Variants in LRP1B observed in about 807,000 individuals in gnomAD.
LRP1B encodes LDL receptor related protein 1B, also known as low-density lipoprotein receptor-related protein 1B.
A neutral mutation model predicts 556.6 loss-of-function variants in LRP1B; 217 were observed. The observed-to-expected ratio is 0.39, with a 90% CI of 0.35 to 0.44. The LOEUF is 0.44. LRP1B is among the 20% of genes least tolerant of loss of function. The pLI, the probability that LRP1B is intolerant of heterozygous loss-of-function variation, is 1.00. For missense variants in LRP1B, 5,053 were observed against 5,620.8 expected, an observed-to-expected ratio of 0.90 and a Z score of 3.23; for synonymous variants, 2,047 against 1,865.8, an observed-to-expected ratio of 1.10 and a Z score of -2.50.
At chr2:141,645,343 T>C (rs1689515160) in intron 2 of LRP1B, among the ~76,000 whole-genome samples, 2 of 152,178 alleles carry the variant, frequency 1.3e-5, no homozygotes, top group Non-Finnish European at 2.9e-5. Flanking sequence ...TATGAAGAAA[T>C]CTATTCTGGC....
intron 7 of LRP1B, among the ~76,000 whole-genome samples, chr2:141,119,535 G>C (rs1700991129): frequency 6.6e-6 from 1 of 151,770 alleles, no homozygotes; most frequent in South Asian, 2.1e-4. Flanking sequence ...ATTGAATCAC[G>C]TATGCCATTG....
At chr2:141,934,549 T>C (rs531310182) in intron 1 of LRP1B, among the ~76,000 whole-genome samples, 10 of 152,234 alleles carry the variant, frequency 6.6e-5, no homozygotes, top group Admixed American at 1.3e-4. Context: ...AGATTACCCA[T>C]TGATATGGTT....
intron 2 of LRP1B, among the ~76,000 whole-genome samples, chr2:141,735,277 T>C: frequency 6.6e-6 from 1 of 151,518 alleles, no homozygotes. Context: ...GAAATATAGA[T>C]GGCATGGCAT....
intron 3 of LRP1B, among the ~76,000 whole-genome samples, chr2:141,288,187 T>A (rs1163336456): frequency 1.3e-5 from 2 of 151,534 alleles, no homozygotes; most frequent in Admixed American, 6.6e-5. Context: ...TTCTCTTTTC[T>A]ATCTTTATAG....
chr2:141,232,090 T>C (rs1558949186), intron 5 of LRP1B, among the ~76,000 whole-genome samples: 1 of 152,202 alleles, frequency 6.6e-6, no homozygotes, highest in Non-Finnish European at 1.5e-5. Flanking sequence ...CCTGGTTAGC[T>C]AGTCAGTTTC....
At chr2:141,018,934 G>T (rs1421886931) in intron 12 of LRP1B, among the ~76,000 whole-genome samples, 2 of 151,962 alleles carry the variant, frequency 1.3e-5, no homozygotes, top group Admixed American at 1.3e-4. Context: ...GTTTATAAGG[G>T]ATTCACATGC....
At chr2:140,344,865 G>A (rs1681571749) in intron 77 of LRP1B, among the ~76,000 whole-genome samples, 1 of 151,240 alleles carries the variant, frequency 6.6e-6, no homozygotes, top group African/African-American at 2.4e-5. Context: ...GAGGGGTGAA[G>A]AACAGGAGCA....
intron 43 of LRP1B, among the ~76,000 whole-genome samples, chr2:140,589,335 C>T (rs1207649667): frequency 1.3e-5 from 2 of 151,932 alleles, no homozygotes; most frequent in African/African-American, 2.4e-5. Flanking sequence ...AACTCATAAA[C>T]TGTAAGTGGG....
chr2:140,571,756 T>A (rs781222821), intron 43 of LRP1B, among the ~76,000 whole-genome samples: 56 of 151,390 alleles, frequency 3.7e-4, no homozygotes, highest in African/African-American at 1.3e-3. Flanking sequence ...AACTTCAAAA[T>A]ATAGTTGTAA....
chr2:140,981,094 G>C (rs1166759150), intron 18 of LRP1B, among the ~76,000 whole-genome samples: 1 of 151,596 alleles, frequency 6.6e-6, no homozygotes, highest in African/African-American at 2.4e-5. Flanking sequence ...GACTTGGTGG[G>C]GGGAAAGCTG....
chr2:141,385,801 T>A (rs745958138), intron 3 of LRP1B, among the ~76,000 whole-genome samples: 1 of 152,188 alleles, frequency 6.6e-6, no homozygotes, highest in African/African-American at 2.4e-5. Context: ...TAGGTGGAGA[T>A]TGAAAACCTG....
chr2:140,817,769 A>G (rs1373020021), intron 31 of LRP1B, among the ~76,000 whole-genome samples: 1 of 152,126 alleles, frequency 6.6e-6, no homozygotes, highest in East Asian at 1.9e-4. Flanking sequence ...ACTATGCAGT[A>G]TGGAGTTAAA....
intron 43 of LRP1B, among the ~76,000 whole-genome samples, chr2:140,593,967 C>A (rs1240302545): frequency 6.6e-6 from 1 of 151,390 alleles, no homozygotes; most frequent in Non-Finnish European, 1.5e-5. Flanking sequence ...AACACATGCC[C>A]ATGACACATC....
In LRP1B at chr2:141,975,574, C is replaced by T. The variant is rs530474309; in HGVS notation, c.82+155074G>A. 2.4e-4 allele frequency among the ~76,000 whole-genome samples: 36 copies of T among 152,170 alleles called. 1 individual carries two copies. The South Asian group carries it at 6.8e-3, about 29-fold the overall frequency. Reference sequence around the variant, plus strand: ...TCTCTCCTTTTAGTGGCTTAAGGACCCTTCAGCTGTAATGTGTTAACATAG... The same window carrying T: ...TCTCTCCTTTTAGTGGCTTAAGGACTCTTCAGCTGTAATGTGTTAACATAG... On this transcript the variant is annotated intron_variant, in intron 1 of 90. Coordinates refer to ENST00000389484, the MANE Select transcript of LRP1B (RefSeq NM_018557.3).
chr2:141,812,077 G>A (rs1156548916), intron 1 of LRP1B, among the ~76,000 whole-genome samples: 1 of 152,048 alleles, frequency 6.6e-6, no homozygotes, highest in Non-Finnish European at 1.5e-5. Flanking sequence ...AATGGAAATG[G>A]CATTCAGGTT....
chr2:140,521,734 T>A (rs949807780), intron 49 of LRP1B, among the ~76,000 whole-genome samples: 1 of 152,074 alleles, frequency 6.6e-6, no homozygotes, highest in African/African-American at 2.4e-5. Context: ...AGTTGTAAAC[T>A]GGATAAAAAA....
intron 81 of LRP1B, among the ~76,000 whole-genome samples, chr2:140,322,771 C>T (rs984217162): frequency 2.0e-4 from 30 of 151,874 alleles, no homozygotes; most frequent in African/African-American, 7.0e-4. Context: ...CAGAATTAAA[C>T]AGAAAGGGCA....
At chr2:141,146,584 T>C (rs192802061) in intron 7 of LRP1B, among the ~76,000 whole-genome samples, 1 of 152,342 alleles carries the variant, frequency 6.6e-6, no homozygotes, top group East Asian at 1.9e-4. Flanking sequence ...ACATGTAGAA[T>C]ATCCCTGCTT....
chr2:140,584,236 G>C (rs1275907114), intron 43 of LRP1B, among the ~76,000 whole-genome samples: 2 of 151,928 alleles, frequency 1.3e-5, no homozygotes, highest in Non-Finnish European at 2.9e-5. Flanking sequence ...TAAGTTATTT[G>C]AGAATTTTAT....
Sources: gnomAD v4.1 joint callset for allele counts (sites outside exome capture counted in the v4.1 genomes callset) on GRCh38, gnomAD v4.1.1 for gene constraint, MANE v1.5 for transcripts, NCBI Gene and HGNC (gene_info 2026-07-23, HGNC 2026-07-21) for gene names.